CCSER1: variants seen among roughly 807,000 people sequenced by gnomAD.
CCSER1 encodes the protein serine-rich coiled-coil domain-containing protein 1.
In CCSER1, 41 loss-of-function variants were observed where a neutral mutation model predicts 82.0. That is an observed-to-expected ratio of 0.50 (90% confidence interval 0.39 to 0.65). The LOEUF is 0.65. CCSER1 is among the 30% of genes least tolerant of loss of function. The pLI, the probability that CCSER1 is intolerant of heterozygous loss-of-function variation, is 0.00. For synonymous variants in CCSER1, 414 were observed against 383.9 expected, an observed-to-expected ratio of 1.08 and a Z score of -0.92; for missense variants, 1,119 against 1,064.2, an observed-to-expected ratio of 1.05 and a Z score of -0.72.
At chr4:90,204,468 GT>G (rs1161046334) in intron 1 of CCSER1, among the ~76,000 whole-genome samples, 5 of 152,146 alleles carry the variant, frequency 3.3e-5, no homozygotes, top group Non-Finnish European at 7.3e-5. Context: ...CCTTTTGATT[GT>G]TTTTGTGAGG....
chr4:90,663,290 A>T (rs148740002), intron 6 of CCSER1, among the ~76,000 whole-genome samples: 1 of 152,116 alleles, frequency 6.6e-6, no homozygotes, highest in Admixed American at 6.6e-5. Flanking sequence ...CACTTTTTTG[A>T]TGAAAAAACT....
chr4:91,402,114 T>C (rs1375065781), intron 10 of CCSER1, among the ~76,000 whole-genome samples: 1 of 152,190 alleles, frequency 6.6e-6, no homozygotes, highest in South Asian at 2.1e-4. Context: ...TGGTATCTCA[T>C]TGTGGTTTTG....
At chr4:90,690,985 C>T (rs1185626768) in intron 6 of CCSER1, among the ~76,000 whole-genome samples, 1 of 151,960 alleles carries the variant, frequency 6.6e-6, no homozygotes, top group African/African-American at 2.4e-5. Context: ...AATATATTAA[C>T]CTCTCCAAGT....
At chr4:91,457,502 A>C (rs1756251568) in intron 10 of CCSER1, among the ~76,000 whole-genome samples, 1 of 151,868 alleles carries the variant, frequency 6.6e-6, no homozygotes. Flanking sequence ...CCATCTCTAC[A>C]AAAAAATAAA....
chr4:90,846,276 A>T (rs1230262728), intron 8 of CCSER1, among the ~76,000 whole-genome samples: 3 of 152,182 alleles, frequency 2.0e-5, no homozygotes, highest in Non-Finnish European at 4.4e-5. Context: ...ACTCCATCTT[A>T]AAGAAAGAAA....
At chr4:90,461,058 T>TAAAAATATATAAAGCTGATCA (rs1560553037) in intron 4 of CCSER1, among the ~76,000 whole-genome samples, 2 of 86,384 alleles carry the variant, frequency 2.3e-5, no homozygotes, top group Non-Finnish European at 4.1e-5. Context: ...AGGCTATTTT[T>TAAAAATATATAAAGCTGATCA]TTTTTTTTTT....
chr4:90,360,977 A>G (rs1330327862), intron 3 of CCSER1, among the ~76,000 whole-genome samples: 1 of 152,170 alleles, frequency 6.6e-6, no homozygotes, highest in Non-Finnish European at 1.5e-5. Context: ...GATTTTTATG[A>G]TATTAATTTA....
chr4:91,440,162 AT>A, intron 10 of CCSER1, among the ~76,000 whole-genome samples: 1 of 152,090 alleles, frequency 6.6e-6, no homozygotes, highest in Non-Finnish European at 1.5e-5. Context: ...CAGAATATAC[AT>A]TTTTTTCAGC....
intron 8 of CCSER1, among the ~76,000 whole-genome samples, chr4:90,844,730 A>T (rs1224469971): frequency 6.6e-6 from 1 of 151,916 alleles, no homozygotes; most frequent in Non-Finnish European, 1.5e-5. Context: ...CTAATACATG[A>T]TACTATCTAA....
Position 91,169,267 on chromosome 4 carries a change from C to G in CCSER1, c.2217+83273C>G, listed in dbSNP as rs115721315. Among the ~76,000 whole-genome samples the G allele has an allele frequency of 4.8e-3, 723 of 151,344 alleles. 6 individuals are homozygous for G. Among genetic ancestry groups the G allele is most frequent in the African/African-American group, 0.017 (681 of 41,234 alleles). On this transcript the variant is annotated intron_variant, in intron 10 of 10. Transcript: ENST00000509176. ...GTTGCTAGCCCAATCCACATGTCCTCTAATTTCTCTTTTCACCTAGTTACT... is the reference window on the plus strand; with the variant it reads ...GTTGCTAGCCCAATCCACATGTCCTGTAATTTCTCTTTTCACCTAGTTACT...
chr4:91,498,609 T>G (rs567561831), intron 10 of CCSER1, among the ~76,000 whole-genome samples: 1 of 151,924 alleles, frequency 6.6e-6, no homozygotes, highest in South Asian at 2.1e-4. Flanking sequence ...TAGGTTTATT[T>G]ATCTAAATAA....
intron 9 of CCSER1, among the ~76,000 whole-genome samples, chr4:91,085,396 A>G (rs908083910): frequency 8.5e-5 from 13 of 152,158 alleles, no homozygotes; most frequent in African/African-American, 2.9e-4. Flanking sequence ...TCTTCTTTTA[A>G]TTAAGTATAG....
chr4:91,031,023 C>T (rs1740936945), intron 9 of CCSER1, among the ~76,000 whole-genome samples: 1 of 152,068 alleles, frequency 6.6e-6, no homozygotes, highest in Admixed American at 6.6e-5. Context: ...AAATATTTCC[C>T]ATTGCTTACA....
chr4:91,536,389 G>C (rs973875640), intron 10 of CCSER1, among the ~76,000 whole-genome samples: 14 of 152,014 alleles, frequency 9.2e-5, no homozygotes, highest in Non-Finnish European at 1.9e-4. Context: ...GAGAGAGAGA[G>C]ATAGGCAGAC....
Position 91,055,037 on chromosome 4 carries a change from AT to A in CCSER1, c.2173-30910del, listed in dbSNP as rs1581436459. On this transcript the variant is annotated intron_variant, in intron 9 of 10. Transcript: ENST00000509176. ...TGTCATATTGTGATTTGTTTTCTAT[AT>A]TTCTTATAGCTTTTGTGTCCTTCCT... is the stretch of plus-strand genomic sequence containing the variant. Among the ~76,000 whole-genome samples the A allele has an allele frequency of 4.6e-5, 7 of 152,156 alleles. No homozygotes were observed. In the East Asian group the frequency reaches 1.4e-3, roughly 29 times the overall value.
chr4:91,113,939 G>A (rs1726322046), intron 10 of CCSER1, among the ~76,000 whole-genome samples: 2 of 151,078 alleles, frequency 1.3e-5, no homozygotes, highest in East Asian at 1.9e-4. Flanking sequence ...TGCAAGCTCC[G>A]CCTCCTGAGT....
At chr4:90,932,994 A>AGAAAG (rs1561385339) in intron 9 of CCSER1, among the ~76,000 whole-genome samples, 1 of 60,406 alleles carries the variant, frequency 1.7e-5, no homozygotes, top group Non-Finnish European at 3.0e-5. Context: ...GAAAGAAAGA[A>AGAAAG]AGAAAGAAAG....
intron 5 of CCSER1, among the ~76,000 whole-genome samples, chr4:90,550,134 C>T (rs531044246): frequency 1.3e-5 from 2 of 152,170 alleles, no homozygotes; most frequent in South Asian, 4.2e-4. Context: ...GAAGAGTAGC[C>T]AGTGGACAGT....
intron 10 of CCSER1, among the ~76,000 whole-genome samples, chr4:91,587,998 A>G: frequency 6.6e-6 from 1 of 151,614 alleles, no homozygotes; most frequent in Non-Finnish European, 1.5e-5. Context: ...TAATAAAATG[A>G]AAATAATTGA....
Sources: allele counts gnomAD v4.1 joint callset (sites outside exome capture counted in the v4.1 genomes callset), GRCh38; gene constraint gnomAD v4.1.1; transcripts MANE v1.5; gene names NCBI Gene and HGNC (gene_info 2026-07-23, HGNC 2026-07-21).